Variants in EPHA6 observed in about 807,000 individuals in gnomAD.
The protein encoded by EPHA6 is EPH receptor A6, also known as ephrin type-A receptor 6.
EPHA6 carries 50 observed loss-of-function variants against 112.0 expected under a neutral mutation model. That is an observed-to-expected ratio of 0.45 (90% CI 0.36 to 0.56). EPHA6 has a LOEUF of 0.56. Among genes scored for constraint, EPHA6 ranks in the 20% least tolerant of loss-of-function variants. The pLI is 0.00. For synonymous variants in EPHA6, 529 were observed against 490.7 expected, an observed-to-expected ratio of 1.08 and a Z score of -1.03; for missense variants, 1,280 against 1,417.4, an observed-to-expected ratio of 0.90 and a Z score of 1.56.
chr3:96,874,269 G>A (rs2036815868), intron 2 of EPHA6, among the ~76,000 whole-genome samples: 1 of 152,032 alleles, frequency 6.6e-6, no homozygotes, highest in Non-Finnish European at 1.5e-5. Context: ...ATCAAACTAA[G>A]GATGCTTAAT....
intron 2 of EPHA6, among the ~76,000 whole-genome samples, chr3:96,875,722 T>C (rs2036903220): frequency 6.6e-6 from 1 of 151,944 alleles, no homozygotes; most frequent in African/African-American, 2.4e-5. Context: ...AATATGTAGA[T>C]GTATAATACA....
At chr3:96,977,378 A>G (rs898039016) in intron 2 of EPHA6, among the ~76,000 whole-genome samples, 4 of 152,142 alleles carry the variant, frequency 2.6e-5, no homozygotes, top group Non-Finnish European at 4.4e-5. Context: ...GTGAAAGGGT[A>G]AAAGGGGGGT....
At chr3:97,115,276 A>C in intron 3 of EPHA6, among the ~76,000 whole-genome samples, 1 of 151,868 alleles carries the variant, frequency 6.6e-6, no homozygotes, top group Non-Finnish European at 1.5e-5. Flanking sequence ...GGGAGCCTAA[A>C]TGGGAGGGAA....
rs115763066 is a variant in EPHA6, at chr3:97,692,869, T to C, written c.2785-27392T>C. Among the ~76,000 whole-genome samples the C allele has an allele frequency of 7.4e-3, 1,130 of 152,326 alleles. 12 individuals carry two copies. Among genetic ancestry groups the C allele is most frequent in the African/African-American group, 0.025 (1,036 of 41,586 alleles). On this transcript the variant is annotated intron_variant, in intron 14 of 17. Transcript: ENST00000389672. ...TAACATTACCCATAGATCATTATCCTGTGTGCACTCTGCCATTACCAATGG... is the reference window on the plus strand; with the variant it reads ...TAACATTACCCATAGATCATTATCCCGTGTGCACTCTGCCATTACCAATGG...
chr3:97,580,501 C>T (rs1054300513), intron 11 of EPHA6, among the ~76,000 whole-genome samples: 8 of 152,308 alleles, frequency 5.3e-5, no homozygotes, highest in African/African-American at 1.9e-4. Flanking sequence ...TCTTGACTCT[C>T]CTTCAATATT....
chr3:97,752,223 G>T lies in EPHA6; in HGVS notation c.*3522G>T. ...TAAAACCTATCTCAGCCCATGAATG[G>T]AAAACAAATCCAAATCCGATCCTTG... On this transcript the variant is annotated 3_prime_UTR_variant, in exon 18 of 18. Coordinates refer to ENST00000389672, the MANE Select transcript of EPHA6 (RefSeq NM_001080448.3). The T allele has an allele frequency of 4.5e-6, 1 of 222,772 alleles. No homozygotes were observed. The highest frequency in any genetic ancestry group is 9.0e-6 in the Non-Finnish European group (1 of 111,428). The allele number at this position is 222,772 out of a possible 1,614,324, so 13.8% of individuals were successfully genotyped here. A position where few individuals can be genotyped will look rare whatever the true frequency, so the allele number is the denominator to read the frequency against.
At chr3:97,677,931 T>G (rs2031537733) in intron 14 of EPHA6, among the ~76,000 whole-genome samples, 3 of 152,176 alleles carry the variant, frequency 2.0e-5, no homozygotes, top group African/African-American at 7.2e-5. Context: ...CAATATGAAT[T>G]AAGGGGACAT....
intron 7 of EPHA6, among the ~76,000 whole-genome samples, chr3:97,449,947 T>C (rs1053501543): frequency 6.6e-6 from 1 of 152,136 alleles, no homozygotes; most frequent in Non-Finnish European, 1.5e-5. Flanking sequence ...ATGTAAGAAC[T>C]TCTTTGTTAC....
At chr3:97,586,228 A>G (rs1440268382) in intron 11 of EPHA6, among the ~76,000 whole-genome samples, 1 of 152,248 alleles carries the variant, frequency 6.6e-6, no homozygotes, top group Non-Finnish European at 1.5e-5. Context: ...CACCTCATGC[A>G]TCACAATGAG....
At chr3:97,562,179 C>T (rs753922782) in intron 11 of EPHA6, among the ~76,000 whole-genome samples, 12 of 152,256 alleles carry the variant, frequency 7.9e-5, no homozygotes, top group Middle Eastern at 3.4e-3. Flanking sequence ...GAAGTTTTGA[C>T]TTTCAATGTT....
intron 3 of EPHA6, among the ~76,000 whole-genome samples, chr3:97,092,887 T>A (rs577538881): frequency 6.6e-6 from 1 of 152,230 alleles, no homozygotes; most frequent in Admixed American, 6.5e-5. Flanking sequence ...ATCTATGGCT[T>A]AACCAATAAA....
intron 1 of EPHA6, among the ~76,000 whole-genome samples, chr3:96,827,846 C>T (rs952552710): frequency 3.9e-5 from 6 of 152,056 alleles, no homozygotes; most frequent in Non-Finnish European, 7.4e-5. Context: ...AATGGATAGA[C>T]TTGTTTGGCT....
intron 3 of EPHA6, among the ~76,000 whole-genome samples, chr3:97,200,989 T>A (rs949337788): frequency 1.3e-5 from 2 of 152,168 alleles, no homozygotes; most frequent in Non-Finnish European, 2.9e-5. Flanking sequence ...CTAAGGTACT[T>A]TGGCTCAGAA....
chr3:97,461,624 T>C (rs1175736233), intron 7 of EPHA6, among the ~76,000 whole-genome samples: 1 of 152,218 alleles, frequency 6.6e-6, no homozygotes, highest in Non-Finnish European at 1.5e-5. Flanking sequence ...CCTTCTTGCA[T>C]ATAGATACCA....
At chr3:97,454,860 G>T (rs967960515) in intron 7 of EPHA6, among the ~76,000 whole-genome samples, 1 of 151,874 alleles carries the variant, frequency 6.6e-6, no homozygotes, top group Non-Finnish European at 1.5e-5. Context: ...GCAGAAAGAG[G>T]ACCAGCTGAC....
intron 5 of EPHA6, among the ~76,000 whole-genome samples, chr3:97,403,541 G>T (rs1289671449): frequency 6.6e-6 from 1 of 152,128 alleles, no homozygotes; most frequent in Non-Finnish European, 1.5e-5. Context: ...CCGCCTCCCG[G>T]GTTCACGCCA....
chr3:97,564,464 AT>A (rs1487332431), intron 11 of EPHA6, among the ~76,000 whole-genome samples: 9 of 152,104 alleles, frequency 5.9e-5, no homozygotes, highest in Non-Finnish European at 1.2e-4. Flanking sequence ...CATTACACTT[AT>A]TTTTTTCTCA....
At chr3:97,149,241 G>A (rs2076113114) in intron 3 of EPHA6, among the ~76,000 whole-genome samples, 1 of 152,132 alleles carries the variant, frequency 6.6e-6, no homozygotes, top group Admixed American at 6.6e-5. Context: ...GGACTTTGAT[G>A]CACATGGCCT....
At chr3:97,627,107 C>A (rs1404481710) in intron 13 of EPHA6, among the ~76,000 whole-genome samples, 6 of 151,808 alleles carry the variant, frequency 4.0e-5, no homozygotes, top group African/African-American at 1.2e-4. Context: ...TACCAGTGAC[C>A]AAACTGAGGC....
Sources: gnomAD v4.1 joint callset for allele counts (sites outside exome capture counted in the v4.1 genomes callset) on GRCh38, gnomAD v4.1.1 for gene constraint, MANE v1.5 for transcripts, NCBI Gene and HGNC (gene_info 2026-07-23, HGNC 2026-07-21) for gene names.